Variants in DPYD observed in about 807,000 individuals in gnomAD.
DPYD encodes dihydropyrimidine dehydrogenase.
DPYD carries 109 observed loss-of-function variants against 116.2 expected under a neutral mutation model. The ratio of observed to expected loss-of-function variants is 0.94; its 90% CI spans 0.80 to 1.10. The LOEUF is 1.10. Ranked by LOEUF, DPYD falls within the 50% of genes least tolerant of loss-of-function variation. The pLI, the probability that DPYD is intolerant of heterozygous loss-of-function variation, is 0.00. For missense variants in DPYD, 1,302 were observed against 1,254.5 expected, an observed-to-expected ratio of 1.04 and a Z score of -0.57; for synonymous variants, 440 against 432.0, an observed-to-expected ratio of 1.02 and a Z score of -0.23.
chr1:97,349,691 G>A (rs2101312084), intron 16 of DPYD, among the ~76,000 whole-genome samples: 1 of 152,194 alleles, frequency 6.6e-6, no homozygotes, highest in East Asian at 1.9e-4. Context: ...AATTTTTATG[G>A]CTGCATAGTA....
At chr1:97,294,115 T>A (rs1666378937) in intron 18 of DPYD, among the ~76,000 whole-genome samples, 1 of 152,146 alleles carries the variant, frequency 6.6e-6, no homozygotes, top group Admixed American at 6.5e-5. Flanking sequence ...ATGTTTATAA[T>A]CCAAACAGGT....
At chr1:97,536,778 C>G (rs191664292) in intron 12 of DPYD, among the ~76,000 whole-genome samples, 1 of 152,178 alleles carries the variant, frequency 6.6e-6, no homozygotes. Flanking sequence ...CTCTTGGCTA[C>G]CCATTCATCT....
rs138142341 is a variant in DPYD, at chr1:97,530,168, T to A, written c.1525-14227A>T. On this transcript the variant is annotated intron_variant, in intron 12 of 22. Transcript: ENST00000370192. ...GTACAATTTCTTTCTTTTTTAAGTC[T>A]GACTAATATTCTCTTGGATGTATAC... Among the ~76,000 whole-genome samples, 232 of 151,956 alleles carry A rather than the reference T, an allele frequency of 1.5e-3. 3 individuals carry two copies. Among genetic ancestry groups the A allele is most frequent in the Non-Finnish European group, 2.6e-3 (180 of 67,946 alleles).
chr1:97,452,792 C>A (rs1167955183), intron 13 of DPYD, among the ~76,000 whole-genome samples: 1 of 152,026 alleles, frequency 6.6e-6, no homozygotes. Context: ...TCCCCTTCTG[C>A]CTTGATTGGA....
At chr1:97,526,863 G>A (rs1024141864) in intron 12 of DPYD, among the ~76,000 whole-genome samples, 1 of 152,086 alleles carries the variant, frequency 6.6e-6, no homozygotes, top group African/African-American at 2.4e-5. Context: ...AAATCAACAA[G>A]ACAGTTGTCC....
intron 18 of DPYD, among the ~76,000 whole-genome samples, chr1:97,261,453 A>G (rs1663868285): frequency 6.8e-6 from 1 of 147,342 alleles, no homozygotes; most frequent in South Asian, 2.2e-4. Flanking sequence ...GGATGAAGTT[A>G]TGATGACTTT....
chr1:97,336,054 T>C (rs544244092), intron 16 of DPYD, among the ~76,000 whole-genome samples: 115 of 152,190 alleles, frequency 7.6e-4, no homozygotes, highest in Non-Finnish European at 1.4e-3. Context: ...TTAATAGTTT[T>C]TCCTTATAAA....
At chr1:97,890,741 A>G (rs1007498823) in intron 1 of DPYD, among the ~76,000 whole-genome samples, 5 of 151,992 alleles carry the variant, frequency 3.3e-5, no homozygotes, top group Non-Finnish European at 7.4e-5. Context: ...AAAGCAAACC[A>G]GCCAGGTAAC....
intron 11 of DPYD, among the ~76,000 whole-genome samples, chr1:97,566,692 TC>T (rs1256155954): frequency 1.3e-5 from 2 of 152,166 alleles, no homozygotes; most frequent in South Asian, 2.1e-4. Context: ...ATTCAATTTT[TC>T]CCCCTTCCCC....
At chr1:97,777,783 G>A (rs1479061783) in intron 3 of DPYD, among the ~76,000 whole-genome samples, 1 of 152,070 alleles carries the variant, frequency 6.6e-6, no homozygotes, top group African/African-American at 2.4e-5. Context: ...ACTGTGTGGT[G>A]AAGTAGCCAT....
chr1:97,373,691 T>G, intron 15 of DPYD, 47 bp from the exon 16 acceptor site: 1 of 1,528,090 alleles, frequency 6.5e-7, no homozygotes, highest in Non-Finnish European at 9.1e-7. Flanking sequence ...GCTTTATTTA[T>G]ATACCAATAG....
intron 19 of DPYD, among the ~76,000 whole-genome samples, chr1:97,196,741 G>T (rs1003452807): frequency 6.6e-6 from 1 of 152,134 alleles, no homozygotes; most frequent in Non-Finnish European, 1.5e-5. Flanking sequence ...AGGCCCCATG[G>T]TTAGAAAGTG....
At chr1:97,378,816 A>G (rs1302567487) in intron 15 of DPYD, among the ~76,000 whole-genome samples, 1 of 152,212 alleles carries the variant, frequency 6.6e-6, no homozygotes, top group East Asian at 1.9e-4. Flanking sequence ...AACAAGCAGG[A>G]CAGAGGAACT....
chr1:97,419,011 C>G (rs1465654483), intron 14 of DPYD, among the ~76,000 whole-genome samples: 1 of 152,100 alleles, frequency 6.6e-6, no homozygotes, highest in Non-Finnish European at 1.5e-5. Flanking sequence ...ATTCTTACTC[C>G]CAGACAATGA....
chr1:97,636,918 C>T (rs1181005169), intron 8 of DPYD, among the ~76,000 whole-genome samples: 1 of 152,088 alleles, frequency 6.6e-6, no homozygotes, highest in Non-Finnish European at 1.5e-5. Context: ...GGCAGGCATA[C>T]AATGTTGCAA....
intron 8 of DPYD, among the ~76,000 whole-genome samples, chr1:97,669,646 A>G (rs946476636): frequency 2.8e-4 from 43 of 152,348 alleles, no homozygotes; most frequent in African/African-American, 9.6e-4. Flanking sequence ...AGCTGTTTAA[A>G]TGACAGAGAA....
At chr1:97,758,741 T>G (rs1665405544) in intron 3 of DPYD, among the ~76,000 whole-genome samples, 1 of 152,186 alleles carries the variant, frequency 6.6e-6, no homozygotes, top group Non-Finnish European at 1.5e-5. Context: ...GGCACTGACC[T>G]TCACTACAGT....
intron 21 of DPYD, among the ~76,000 whole-genome samples, chr1:97,094,460 T>C (rs1266693468): frequency 2.0e-5 from 3 of 151,902 alleles, no homozygotes; most frequent in Admixed American, 2.0e-4. Context: ...AGGAGGGAGA[T>C]GTAAGAGATA....
chr1:97,476,364 C>T (rs999208884), intron 13 of DPYD, among the ~76,000 whole-genome samples: 1 of 151,996 alleles, frequency 6.6e-6, no homozygotes, highest in Non-Finnish European at 1.5e-5. Flanking sequence ...AAGATGACCC[C>T]TTTAGTAGAA....
Sources: gnomAD v4.1 joint callset for allele counts (sites outside exome capture counted in the v4.1 genomes callset) on GRCh38, gnomAD v4.1.1 for gene constraint, MANE v1.5 for transcripts, NCBI Gene and HGNC (gene_info 2026-07-23, HGNC 2026-07-21) for gene names.